Variants in CLASP1 observed in about 807,000 individuals in gnomAD.
CLASP1 encodes cytoplasmic linker associated protein 1.
A neutral mutation model predicts 192.3 loss-of-function variants in CLASP1; 38 were observed. The observed-to-expected ratio is 0.20, with a 90% CI of 0.15 to 0.26. The LOEUF (loss-of-function observed/expected upper bound fraction) is 0.26. Ranked by LOEUF, CLASP1 falls within the 10% of genes least tolerant of loss-of-function variation. The pLI is 1.00. For missense variants in CLASP1, 1,433 were observed against 1,932.5 expected (o/e 0.74, Z 4.85); for synonymous variants, 691 against 712.8 (o/e 0.97, Z 0.49).
chr2:121,398,899 AT>A (rs1282763273), intron 28 of CLASP1, among the ~76,000 whole-genome samples: 1 of 152,158 alleles, frequency 6.6e-6, no homozygotes, highest in Non-Finnish European at 1.5e-5. Flanking sequence ...GCGACAAAAC[AT>A]TTCCCATCCA....
intron 19 of CLASP1, among the ~76,000 whole-genome samples, chr2:121,436,557 C>T (rs565524448): frequency 8.0e-5 from 12 of 150,738 alleles, no homozygotes; most frequent in Admixed American, 2.6e-4. Flanking sequence ...ACTACAGGTG[C>T]GAGCCACCAC....
intron 2 of CLASP1, among the ~76,000 whole-genome samples, chr2:121,584,797 CAAAT>C (rs1222012323): frequency 6.6e-6 from 1 of 152,128 alleles, no homozygotes; most frequent in Non-Finnish European, 1.5e-5. Context: ...CTTAAAATGA[CAAAT>C]AAACTGTTTA....
intron 2 of CLASP1, among the ~76,000 whole-genome samples, chr2:121,538,766 CAG>C (rs979392331): frequency 6.2e-4 from 91 of 147,012 alleles, no homozygotes; most frequent in African/African-American, 2.3e-3. Flanking sequence ...GCCTGGGCGA[CAG>C]AGCAAGACTC....
At chr2:121,597,379 T>C (rs1168406529) in intron 2 of CLASP1, among the ~76,000 whole-genome samples, 3 of 152,150 alleles carry the variant, frequency 2.0e-5, no homozygotes, top group African/African-American at 7.2e-5. Context: ...CAATTGCTTA[T>C]CCAAAACTCT....
At chr2:121,636,989 T>C (rs1466109374) in intron 1 of CLASP1, among the ~76,000 whole-genome samples, 3 of 152,208 alleles carry the variant, frequency 2.0e-5, no homozygotes, top group African/African-American at 4.8e-5. Context: ...AGGTTAAGCA[T>C]ACCACCTGTA....
chr2:121,484,364 T>C (rs977501874), intron 8 of CLASP1, among the ~76,000 whole-genome samples: 1 of 152,174 alleles, frequency 6.6e-6, no homozygotes, highest in African/African-American at 2.4e-5. Flanking sequence ...GCCCACATAA[T>C]AATCACATTG....
intron 9 of CLASP1, among the ~76,000 whole-genome samples, chr2:121,465,915 T>C (rs1559313434): frequency 1.3e-5 from 2 of 152,124 alleles, no homozygotes; most frequent in African/African-American, 2.4e-5. Flanking sequence ...AAACAAGCAA[T>C]GGGGAAAGGA....
At chr2:121,507,675 AGCT>A (rs1042141223) in intron 7 of CLASP1, among the ~76,000 whole-genome samples, 3 of 152,216 alleles carry the variant, frequency 2.0e-5, no homozygotes, top group African/African-American at 7.2e-5. Flanking sequence ...ATATTTAACA[AGCT>A]ACTCCAAACA....
At chr2:121,360,201 C>G (rs754263905) in intron 37 of CLASP1, among the ~76,000 whole-genome samples, 2 of 152,196 alleles carry the variant, frequency 1.3e-5, no homozygotes, top group Admixed American at 6.5e-5. Flanking sequence ...CCGAGTCTTA[C>G]GCTCTTCATC....
At chr2:121,369,797 A>G (rs12711548) in intron 34 of CLASP1, among the ~76,000 whole-genome samples, 11,575 of 152,276 alleles carry the variant, frequency 0.076, 569 homozygotes, top group African/African-American at 0.14. Context: ...TTGCTACTGT[A>G]GATAATGCTG....
chr2:121,506,585 C>A (rs2093956205), intron 7 of CLASP1, among the ~76,000 whole-genome samples: 2 of 152,096 alleles, frequency 1.3e-5, no homozygotes, highest in Admixed American at 1.3e-4. Flanking sequence ...TGGGAGGTCA[C>A]GTATATGTGC....
chr2:121,400,073 T>A (rs1422377732), intron 28 of CLASP1, among the ~76,000 whole-genome samples: 1 of 152,216 alleles, frequency 6.6e-6, no homozygotes, highest in East Asian at 1.9e-4. Context: ...CAGTCAATCT[T>A]GGCTAAACCT....
rs1365961819 is a variant in CLASP1, at chr2:121,560,894, C to A, written c.196-30569G>T. Among the ~76,000 whole-genome samples, 11 of 152,218 alleles carry A rather than the reference C, an allele frequency of 7.2e-5. No homozygotes were observed. The East Asian group carries it at 1.9e-3, about 27-fold the overall frequency. Reference sequence around the variant, plus strand: ...GGATTACAGGAGCCTGCCACCACAACTGGCTAATTTTTGTTTTTTTTGTTT... The same window carrying A: ...GGATTACAGGAGCCTGCCACCACAAATGGCTAATTTTTGTTTTTTTTGTTT... On this transcript the variant is annotated intron_variant, in intron 2 of 39. Transcript: ENST00000263710.
chr2:121,470,064 T>G, intron 8 of CLASP1, 104 bp from the exon 9 acceptor site: 1 of 931,852 alleles, frequency 1.1e-6, no homozygotes, highest in Non-Finnish European at 1.6e-6. Flanking sequence ...TCTTCGAGAC[T>G]GATTCTGCAT....
intron 1 of CLASP1, among the ~76,000 whole-genome samples, chr2:121,607,890 T>C (rs925943379): frequency 1.1e-4 from 16 of 152,292 alleles, no homozygotes; most frequent in African/African-American, 2.6e-4. Context: ...TGGAATCATA[T>C]ACATCAAGTC....
chr2:121,624,727 CTGTTT>C (rs2068006247), intron 1 of CLASP1, among the ~76,000 whole-genome samples: 3 of 152,154 alleles, frequency 2.0e-5, no homozygotes, highest in South Asian at 2.1e-4. Context: ...CAGGGTTTTT[CTGTTT>C]TGTTTTGTTT....
At chr2:121,368,885 T>C (rs1395441830) in intron 34 of CLASP1, among the ~76,000 whole-genome samples, 4 of 152,244 alleles carry the variant, frequency 2.6e-5, no homozygotes, top group Non-Finnish European at 5.9e-5. Context: ...TTCAGTGTCA[T>C]TAAATACATT....
chr2:121,370,489 C>T (rs770825564), intron 34 of CLASP1, among the ~76,000 whole-genome samples: 64 of 152,292 alleles, frequency 4.2e-4, no homozygotes, highest in Non-Finnish European at 8.8e-4. Context: ...CCAAACCTGG[C>T]TAATTTCTTG....
Position 121,506,215 on chromosome 2 carries a change from C to A in CLASP1, c.645-2981G>T, listed in dbSNP as rs562591681. On this transcript the variant is annotated intron_variant, in intron 7 of 39. Coordinates refer to ENST00000263710, the Ensembl canonical transcript of CLASP1. The stretch of plus-strand genomic sequence containing the variant: ...CTTATCATCATGGCAAGTGTGAAAA[C>A]CAGCAGCCTGGCAGCCACTAGAAAG... 3.6e-4 allele frequency among the ~76,000 whole-genome samples: 55 copies of A among 152,190 alleles called. 1 individual carries two copies. The highest frequency in any genetic ancestry group is 2.9e-3 in the South Asian group (14 of 4,822).
Sources: allele counts gnomAD v4.1 joint callset (sites outside exome capture counted in the v4.1 genomes callset), GRCh38; gene constraint gnomAD v4.1.1; transcripts MANE v1.5; gene names NCBI Gene and HGNC (gene_info 2026-07-23, HGNC 2026-07-21).